Variants in OLAH observed in about 807,000 individuals in gnomAD.
OLAH encodes S-acyl fatty acid synthase thioesterase, medium chain.
Under a neutral mutation model 27.8 loss-of-function variants are expected in OLAH, and 33 were observed. The ratio of observed to expected loss-of-function variants is 1.19; its 90% CI spans 0.90 to 1.59. The LOEUF (loss-of-function observed/expected upper bound fraction) is 1.59. OLAH is among the 40% of genes most tolerant of loss of function. OLAH has a pLI of 0.00. For synonymous variants in OLAH, 120 were observed against 102.9 expected (o/e 1.17, Z -1.01); for missense variants, 359 against 310.8 (o/e 1.16, Z -1.17).
chr10:15,061,959 TGTATTG>T, intron 4 of OLAH, 97 bp downstream of exon 4: 1 of 1,184,280 alleles, frequency 8.4e-7, no homozygotes, highest in East Asian at 2.4e-5. Flanking sequence ...TGCATACCTT[TGTATTG>T]GTTAGACAGC....
Position 15,054,852 on chromosome 10 carries a change from A to G in OLAH, c.163+5087A>G, listed in dbSNP as rs569984570. ...CAATTTTTTTGGTCTATTTCTATGA[A>G]GAATTTTACATTTCTGAGTTATAGT... On this transcript the variant is annotated intron_variant, in intron 3 of 7. Transcript: ENST00000378228. 2.0e-5 allele frequency among the ~76,000 whole-genome samples: 3 copies of G among 152,286 alleles called. No individual in the cohort carries two copies. In the South Asian group the frequency reaches 6.2e-4, roughly 32 times the overall value.
rs71485544 is a variant in OLAH at position 15,073,463 on chromosome 10, G to A, written c.*234G>A. The A allele has an allele frequency of 0.071, 26,313 of 369,700 alleles. 1,006 individuals are homozygous for A. The highest frequency in any genetic ancestry group is 0.1 in the Middle Eastern group (130 of 1,254). The allele number at this position is 369,700 out of a possible 1,614,324, so 22.9% of individuals were successfully genotyped here. A position where few individuals can be genotyped will look rare whatever the true frequency, so the allele number is the denominator to read the frequency against. ...ATCACGAGGTCAGGAGATCGAGACC[G>A]TCCTGGCTAACACCGTGAAACCCCA... On this transcript the variant is annotated 3_prime_UTR_variant, in exon 8 of 8. Transcript: ENST00000378228.
chr10:15,052,664 G>C (rs1461209693), intron 3 of OLAH, among the ~76,000 whole-genome samples: 1 of 117,792 alleles, frequency 8.5e-6, no homozygotes, highest in Non-Finnish European at 1.8e-5. Flanking sequence ...TGTTATCAAA[G>C]AGTCTGATAT....
rs576380395 is a variant in OLAH, at chr10:15,066,611, T to C, written c.572+858T>C. ...ATAATCTTTCCTATTTTTATTTTAT[T>C]TATTTATTTATTTATTTATTTATTT... On this transcript the variant is annotated intron_variant, in intron 6 of 7. Coordinates refer to ENST00000378228, the MANE Select transcript of OLAH (RefSeq NM_001039702.3). 8.0e-4 allele frequency among the ~76,000 whole-genome samples: 18 copies of C among 22,618 alleles called. 1 individual carries two copies. In the South Asian group the frequency reaches 8.9e-3, roughly 11 times the overall value. The allele number at this position is 22,618 out of a possible 152,430, so 14.8% of individuals were successfully genotyped here. A position where few individuals can be genotyped will look rare whatever the true frequency, so the allele number is the denominator to read the frequency against.
At chr10:15,067,602 G>T (rs1019119091) in intron 6 of OLAH, among the ~76,000 whole-genome samples, 1 of 152,134 alleles carries the variant, frequency 6.6e-6, no homozygotes, top group African/African-American at 2.4e-5. Context: ...TGTAGAAAAT[G>T]TTGACATTCT....
chr10:15,058,967 C>T (rs201262925), intron 3 of OLAH, among the ~76,000 whole-genome samples: 3 of 112,744 alleles, frequency 2.7e-5, no homozygotes, highest in Non-Finnish European at 3.8e-5. Context: ...CTCCTTCCCT[C>T]CCTCCCTCTC....
chr10:15,061,763 A>G lies in OLAH; in HGVS notation c.203A>G (p.Glu68Gly), dbSNP rs764102048. Residue 68 changes from glutamate (E) to glycine (G), a missense_variant, in exon 4 of 8, where the codon GAA becomes GGA. Glu to Gly is a moderately conservative substitution (Grantham distance 98, BLOSUM62 -2). Transcript: ENST00000378228. Reference sequence around the variant, plus strand: ...CTTCCTGGAAGAGAAAGCAGAGTTGAAGAACCTCTTGAAAATGACATCTCC... The same window carrying G: ...CTTCCTGGAAGAGAAAGCAGAGTTGGAGAACCTCTTGAAAATGACATCTCC... ...LRLPGRESRV[E>G]EPLENDISQL... 3.7e-6 allele frequency: 6 copies of G among 1,613,678 alleles called. No individual in the cohort carries two copies. In the Admixed American group the frequency reaches 1.0e-4, roughly 27 times the overall value.
chr10:15,043,104 C>T (rs1444246557), upstream of OLAH, among the ~76,000 whole-genome samples: 1 of 152,034 alleles, frequency 6.6e-6, no homozygotes, highest in Non-Finnish European at 1.5e-5. Flanking sequence ...TTGTGATCCA[C>T]CCGCCTTGGC....
intron 4 of OLAH, 163 bp downstream of exon 4, chr10:15,062,025 T>A: frequency 3.2e-6 from 2 of 631,736 alleles, no homozygotes; most frequent in Non-Finnish European, 5.1e-6. Flanking sequence ...CCAGTTTGTA[T>A]GGTAAGTATA....
intron 1 of OLAH, 21 bp from the exon 2 acceptor site, chr10:15,047,105 G>T: frequency 8.4e-6 from 4 of 475,390 alleles, no homozygotes; most frequent in South Asian, 8.6e-5. Flanking sequence ...CTTTTCCTCT[G>T]ACCTTCTTTA....
chr10:15,055,808 A>T (rs1192353913), intron 3 of OLAH, among the ~76,000 whole-genome samples: 2 of 152,084 alleles, frequency 1.3e-5, no homozygotes, highest in Non-Finnish European at 2.9e-5. Context: ...ACACTGACTT[A>T]AGCAAGATAT....
intron 6 of OLAH, among the ~76,000 whole-genome samples, chr10:15,067,213 A>G (rs1292556713): frequency 6.6e-6 from 1 of 152,218 alleles, no homozygotes; most frequent in East Asian, 1.9e-4. Context: ...TGGACATTCA[A>G]TGCAATCATG....
intron 1 of OLAH, among the ~76,000 whole-genome samples, chr10:15,036,846 T>C (rs1843847598): frequency 6.6e-6 from 1 of 152,058 alleles, no homozygotes; most frequent in Admixed American, 6.6e-5. Context: ...TCTGGGAGGC[T>C]GAGGCAGGCA....
At chr10:15,072,579 T>G (rs1243168130) in intron 7 of OLAH, among the ~76,000 whole-genome samples, 1 of 152,066 alleles carries the variant, frequency 6.6e-6, no homozygotes, top group African/African-American at 2.4e-5. Flanking sequence ...CTCTTACAGA[T>G]GAAGAGTATA....
At position 15,054,242 on chromosome 10, in the gene OLAH, T is replaced by A. The variant is rs538810248; in HGVS notation, c.163+4477T>A. On this transcript the variant is annotated intron_variant, in intron 3 of 7. Coordinates refer to ENST00000378228, the MANE Select transcript of OLAH (RefSeq NM_001039702.3). ...TTTTAGTAGAGACAGGATTTCACCA[T>A]GTTGGCCAGGCTGGACTCAAACTCC... Among the ~76,000 whole-genome samples, 12 of 152,236 alleles carry A rather than the reference T, an allele frequency of 7.9e-5. No homozygotes were observed. The South Asian group carries it at 2.1e-3, about 26-fold the overall frequency.
chr10:15,058,443 A>G lies in OLAH; in HGVS notation c.164-3281A>G, dbSNP rs578137889. ...ACAGTCTACTTTCAAATTTTATTAT[A>G]CCAGTTCATTTTTAATGAAAGAATC... On this transcript the variant is annotated intron_variant, in intron 3 of 7. Coordinates refer to ENST00000378228, the MANE Select transcript of OLAH (RefSeq NM_001039702.3). 1.2e-4 allele frequency among the ~76,000 whole-genome samples: 18 copies of G among 152,208 alleles called. No individual in the cohort carries two copies. The South Asian group carries it at 3.5e-3, about 30-fold the overall frequency.
intron 3 of OLAH, among the ~76,000 whole-genome samples, chr10:15,050,339 C>T (rs1844110584): frequency 2.0e-5 from 3 of 152,256 alleles, no homozygotes; most frequent in Non-Finnish European, 4.4e-5. Context: ...GCAATCTCGG[C>T]TCACTGCAAT....
rs115792249 is a variant in OLAH at position 15,073,299 on chromosome 10, C to T, written c.*70C>T. 2.0e-3 allele frequency: 2,006 copies of T among 983,718 alleles called. 23 individuals are homozygous for T. In the African/African-American group the frequency reaches 0.03, roughly 15 times the overall value. The allele number at this position is 983,718 out of a possible 1,614,324, so 60.9% of individuals were successfully genotyped here. ...TCTTCTCAGTTATTCAGATATAGCT[C>T]AGTTTTATTCAGATTGGAAATTACA... On this transcript the variant is annotated 3_prime_UTR_variant, in exon 8 of 8. Transcript: ENST00000378228.
intron 1 of OLAH, among the ~76,000 whole-genome samples, chr10:15,033,738 C>A (rs1843794530): frequency 6.6e-6 from 1 of 152,098 alleles, no homozygotes; most frequent in African/African-American, 2.4e-5. Flanking sequence ...TTGTCTTTGT[C>A]TTCATAGGGT....
Sources: gnomAD v4.1 joint callset for allele counts (sites outside exome capture counted in the v4.1 genomes callset) on GRCh38, gnomAD v4.1.1 for gene constraint, MANE v1.5 for transcripts, NCBI Gene and HGNC (gene_info 2026-07-23, HGNC 2026-07-21) for gene names.